The following ZFYVE9 variants were observed in gnomAD, a reference collection of about 807,000 sequenced individuals.
ZFYVE9 encodes zinc finger FYVE-type containing 9.
In ZFYVE9, 43 loss-of-function variants were observed where a neutral mutation model predicts 126.7. The observed-to-expected ratio is 0.34, with a 90% CI of 0.27 to 0.44. The LOEUF (loss-of-function observed/expected upper bound fraction) is 0.44, where lower values mean the gene tolerates loss of function less well. Ranked by LOEUF, ZFYVE9 falls within the 20% of genes least tolerant of loss-of-function variation. The pLI, the probability that ZFYVE9 is intolerant of heterozygous loss-of-function variation, is 1.00. For synonymous variants in ZFYVE9, 521 were observed against 597.4 expected, an observed-to-expected ratio of 0.87 and a Z score of 1.87; for missense variants, 1,476 against 1,697.0, an observed-to-expected ratio of 0.87 and a Z score of 2.29.
intron 4 of ZFYVE9, among the ~76,000 whole-genome samples, chr1:52,253,052 G>A (rs1645467686): frequency 6.6e-6 from 1 of 152,188 alleles, no homozygotes; most frequent in Non-Finnish European, 1.5e-5. Context: ...TGTAGTCCCA[G>A]CTACTCAAGA....
intron 17 of ZFYVE9, among the ~76,000 whole-genome samples, chr1:52,341,278 A>C (rs1366206661): frequency 3.3e-5 from 5 of 152,232 alleles, no homozygotes; most frequent in Non-Finnish European, 7.3e-5. Flanking sequence ...CAAGATTACA[A>C]GGCAAATAAA....
At chr1:52,161,281 A>G (rs1208405756) in intron 1 of ZFYVE9, among the ~76,000 whole-genome samples, 1 of 152,058 alleles carries the variant, frequency 6.6e-6, no homozygotes, top group Non-Finnish European at 1.5e-5. Context: ...AAGTTTTGAC[A>G]GATGTATTTT....
At chr1:52,251,133 G>T in intron 4 of ZFYVE9, among the ~76,000 whole-genome samples, 1 of 151,740 alleles carries the variant, frequency 6.6e-6, no homozygotes, top group East Asian at 1.9e-4. Context: ...GTGCAGTGGC[G>T]CGATCTTGGC....
intron 1 of ZFYVE9, among the ~76,000 whole-genome samples, chr1:52,168,662 C>G (rs575081389): frequency 6.6e-6 from 1 of 151,892 alleles, no homozygotes; most frequent in Non-Finnish European, 1.5e-5. Flanking sequence ...ACCACAGACA[C>G]ACACCACCAT....
chr1:52,322,681 C>CT (rs1646252574), intron 13 of ZFYVE9, among the ~76,000 whole-genome samples: 1 of 150,938 alleles, frequency 6.6e-6, no homozygotes, highest in Non-Finnish European at 1.5e-5. Context: ...CAGCCTGGTC[C>CT]TTTCAAAACT....
At chr1:52,264,896 A>G (rs1645617505) in intron 5 of ZFYVE9, among the ~76,000 whole-genome samples, 1 of 152,136 alleles carries the variant, frequency 6.6e-6, no homozygotes, top group Non-Finnish European at 1.5e-5. Context: ...CTCCACTCTT[A>G]AGGGTTACTT....
intron 1 of ZFYVE9, among the ~76,000 whole-genome samples, chr1:52,210,605 A>G (rs1645019121): frequency 6.6e-6 from 1 of 152,160 alleles, no homozygotes; most frequent in African/African-American, 2.4e-5. Flanking sequence ...CAATTTAATT[A>G]TCTCTCATGG....
intron 14 of ZFYVE9, 65 bp from the exon 15 acceptor site, chr1:52,334,623 G>A: frequency 6.6e-7 from 1 of 1,514,704 alleles, no homozygotes. Context: ...TGAATATTTT[G>A]TTATTATTTT....
At chr1:52,297,126 A>G (rs1190721612) in intron 12 of ZFYVE9, among the ~76,000 whole-genome samples, 1 of 152,054 alleles carries the variant, frequency 6.6e-6, no homozygotes, top group African/African-American at 2.4e-5. Context: ...TTGTTTTTAC[A>G]AACTACCTTG....
At chr1:52,145,027 G>C (rs1489244154) in intron 1 of ZFYVE9, among the ~76,000 whole-genome samples, 1 of 152,172 alleles carries the variant, frequency 6.6e-6, no homozygotes, top group African/African-American at 2.4e-5. Context: ...TGTGGAAGCA[G>C]GATACCTTTA....
intron 1 of ZFYVE9, chr1:52,162,871 C>T (rs866943844): frequency 3.6e-5 from 17 of 476,194 alleles, no homozygotes; most frequent in African/African-American, 1.8e-4. Context: ...TGATCTTGAT[C>T]GAGAATGGGA....
At chr1:52,248,795 C>G (rs1199317345) in intron 4 of ZFYVE9, among the ~76,000 whole-genome samples, 2 of 152,148 alleles carry the variant, frequency 1.3e-5, no homozygotes, top group Non-Finnish European at 2.9e-5. Context: ...AGTAGAATTG[C>G]TGGATTATAT....
chr1:52,270,488 T>A (rs1645680398), intron 7 of ZFYVE9, among the ~76,000 whole-genome samples: 1 of 152,128 alleles, frequency 6.6e-6, no homozygotes. Context: ...ATGGTCTCGA[T>A]CTCCTGACCT....
intron 1 of ZFYVE9, among the ~76,000 whole-genome samples, chr1:52,180,763 G>A (rs904376837): frequency 6.6e-6 from 1 of 151,914 alleles, no homozygotes; most frequent in Non-Finnish European, 1.5e-5. Flanking sequence ...ATCACCTGAA[G>A]TTGGGAGTTC....
intron 4 of ZFYVE9, among the ~76,000 whole-genome samples, chr1:52,259,860 T>G (rs1197373636): frequency 6.6e-6 from 1 of 152,158 alleles, no homozygotes. Flanking sequence ...ACTATATTTT[T>G]CTTTTCCATG....
chr1:52,147,608 A>T (rs1191924933), intron 1 of ZFYVE9, among the ~76,000 whole-genome samples: 5 of 152,224 alleles, frequency 3.3e-5, no homozygotes, highest in Non-Finnish European at 7.3e-5. Flanking sequence ...TGGAAATACC[A>T]CATTTTATTC....
intron 3 of ZFYVE9, among the ~76,000 whole-genome samples, chr1:52,236,666 T>C (rs1297200086): frequency 6.6e-6 from 1 of 152,204 alleles, no homozygotes; most frequent in Non-Finnish European, 1.5e-5. Context: ...ACTATAAGAA[T>C]GTTGATTTAA....
intron 4 of ZFYVE9, among the ~76,000 whole-genome samples, chr1:52,252,946 G>A (rs1320306311): frequency 6.6e-6 from 1 of 152,176 alleles, no homozygotes; most frequent in Non-Finnish European, 1.5e-5. Context: ...AGGTGCGGTG[G>A]CTCACGCCTG....
chr1:52,168,930 C>A (rs1925360), intron 1 of ZFYVE9, among the ~76,000 whole-genome samples: 116,855 of 151,944 alleles, frequency 0.77, 47,804 homozygotes, highest in Non-Finnish European at 0.9. Context: ...CGACCCTAAT[C>A]TGACCCCCCT....
Sources: gnomAD v4.1 joint callset for allele counts (sites outside exome capture counted in the v4.1 genomes callset) on GRCh38, gnomAD v4.1.1 for gene constraint, MANE v1.5 for transcripts, NCBI Gene and HGNC (gene_info 2026-07-23, HGNC 2026-07-21) for gene names.